LSAMP: variants seen among roughly 807,000 people sequenced by gnomAD.
LSAMP encodes the protein limbic system-associated membrane protein.
LSAMP carries 7 observed loss-of-function variants against 38.6 expected under a neutral mutation model. The observed-to-expected ratio is 0.18, with a 90% CI of 0.10 to 0.34. The LOEUF (loss-of-function observed/expected upper bound fraction) is 0.34. Ranked by LOEUF, LSAMP falls within the 10% of genes least tolerant of loss-of-function variation. LSAMP has a pLI of 1.00. For synonymous variants in LSAMP, 154 were observed against 166.8 expected, an observed-to-expected ratio of 0.92 and a Z score of 0.59; for missense variants, 313 against 420.0, an observed-to-expected ratio of 0.75 and a Z score of 2.23.
chr3:115,973,433 A>G (rs957357113), intron 3 of LSAMP, among the ~76,000 whole-genome samples: 2 of 152,202 alleles, frequency 1.3e-5, no homozygotes, highest in Admixed American at 6.5e-5. Flanking sequence ...AAGTCTAGGC[A>G]TAAAATTAAT....
intron 3 of LSAMP, among the ~76,000 whole-genome samples, chr3:115,895,191 C>T (rs1936698073): frequency 1.3e-5 from 2 of 152,076 alleles, no homozygotes; most frequent in Admixed American, 1.3e-4. Flanking sequence ...TTCTTAGTCA[C>T]AGCTCTTGTT....
intron 1 of LSAMP, among the ~76,000 whole-genome samples, chr3:116,192,133 T>C (rs1043994748): frequency 1.3e-5 from 2 of 152,256 alleles, no homozygotes; most frequent in Admixed American, 1.3e-4. Flanking sequence ...TGTGGCTTCA[T>C]GATTGTTAAA....
rs149087667 is a variant in LSAMP, at chr3:115,906,936, T to C, written c.515-54319A>G. On this transcript the variant is annotated intron_variant, in intron 3 of 6. Transcript: ENST00000490035. The stretch of plus-strand genomic sequence containing the variant: ...TTTGTTTGAATTCTTGGTCAGGTTC[T>C]ACATAGATTAAATCCAAGAGGTAAA... Among the ~76,000 whole-genome samples the C allele has an allele frequency of 2.8e-3, 426 of 152,286 alleles. 1 individual carries two copies. The highest frequency in any genetic ancestry group is 9.8e-3 in the African/African-American group (406 of 41,558).
At chr3:115,880,006 A>G (rs541397788) in intron 3 of LSAMP, among the ~76,000 whole-genome samples, 1 of 152,312 alleles carries the variant, frequency 6.6e-6, no homozygotes, top group South Asian at 2.1e-4. Context: ...ATTAAGAACC[A>G]GCAAAGAAAC....
At chr3:116,050,846 A>G (rs1254113845) in intron 2 of LSAMP, among the ~76,000 whole-genome samples, 1 of 152,180 alleles carries the variant, frequency 6.6e-6, no homozygotes, top group African/African-American at 2.4e-5. Flanking sequence ...ATTCATTTGT[A>G]TCTGTAGTAT....
At chr3:115,894,868 T>C (rs1259866003) in intron 3 of LSAMP, among the ~76,000 whole-genome samples, 1 of 152,066 alleles carries the variant, frequency 6.6e-6, no homozygotes, top group African/African-American at 2.4e-5. Flanking sequence ...CTCTCCTTTA[T>C]TTAAATTTTA....
chr3:115,956,169 G>A (rs1319999097), intron 3 of LSAMP, among the ~76,000 whole-genome samples: 3 of 151,748 alleles, frequency 2.0e-5, no homozygotes, highest in Non-Finnish European at 4.4e-5. Context: ...CCATATAGCT[G>A]TAAAGGGAAA....
At position 116,272,718 on chromosome 3, in the gene LSAMP, C is replaced by G. The variant is rs2046990774; in HGVS notation, c.155+172159G>C. On this transcript the variant is annotated intron_variant, in intron 1 of 6. Transcript: ENST00000490035. ...ATTTTCTGCATGATATTGAACCCCACAGGTTCAGGATACACAAATAATGTC... is the reference window on the plus strand; with the variant it reads ...ATTTTCTGCATGATATTGAACCCCAGAGGTTCAGGATACACAAATAATGTC... 4.6e-5 allele frequency among the ~76,000 whole-genome samples: 7 copies of G among 152,114 alleles called. No individual in the cohort carries two copies. The South Asian group carries it at 1.5e-3, about 32-fold the overall frequency.
intron 1 of LSAMP, among the ~76,000 whole-genome samples, chr3:116,177,851 TGTCCCTGACTTGTAAAAGCTCACA>T (rs1426944148): frequency 1.3e-5 from 2 of 152,156 alleles, no homozygotes; most frequent in Non-Finnish European, 2.9e-5. Context: ...GTTAAAAAAA[TGTCCCTGACTTGTAAAAGCTCACA>T]GTCTAAATGG....
At chr3:116,249,235 A>C (rs1467083172) in intron 1 of LSAMP, among the ~76,000 whole-genome samples, 2 of 152,044 alleles carry the variant, frequency 1.3e-5, no homozygotes, top group Non-Finnish European at 2.9e-5. Context: ...AATGTGTCCA[A>C]AATAATATCC....
intron 6 of LSAMP, among the ~76,000 whole-genome samples, chr3:115,830,203 T>G (rs191423834): frequency 4.6e-5 from 7 of 152,322 alleles, no homozygotes; most frequent in Non-Finnish European, 7.4e-5. Context: ...TCTGCTCAAG[T>G]TTTTAAAAAA....
At chr3:115,876,895 TTTC>T (rs1360465370) in intron 3 of LSAMP, among the ~76,000 whole-genome samples, 3 of 152,160 alleles carry the variant, frequency 2.0e-5, no homozygotes, top group Admixed American at 1.3e-4. Context: ...TAATGAATTC[TTTC>T]TTCTTATAGT....
chr3:116,030,724 C>A (rs1054470710), intron 2 of LSAMP, among the ~76,000 whole-genome samples: 1 of 151,994 alleles, frequency 6.6e-6, no homozygotes, highest in Non-Finnish European at 1.5e-5. Context: ...ATTCCAACTG[C>A]GAAATGGCAC....
chr3:116,262,905 T>C (rs1298928284), intron 1 of LSAMP, among the ~76,000 whole-genome samples: 12 of 152,156 alleles, frequency 7.9e-5, no homozygotes, highest in African/African-American at 4.8e-5. Flanking sequence ...GGTGAAGGGA[T>C]TGAGGACTTC....
chr3:115,998,202 C>G (rs1939883453), intron 3 of LSAMP, among the ~76,000 whole-genome samples: 1 of 151,642 alleles, frequency 6.6e-6, no homozygotes, highest in Non-Finnish European at 1.5e-5. Flanking sequence ...AGAGAGTGAC[C>G]AAATTATGTA....
At chr3:116,088,167 C>A (rs1055584868) in intron 1 of LSAMP, among the ~76,000 whole-genome samples, 1 of 152,086 alleles carries the variant, frequency 6.6e-6, no homozygotes, top group Non-Finnish European at 1.5e-5. Flanking sequence ...TCATGAGCCA[C>A]CATGCCTGAC....
chr3:115,887,096 G>A (rs1438155159), intron 3 of LSAMP, among the ~76,000 whole-genome samples: 2 of 151,772 alleles, frequency 1.3e-5, no homozygotes, highest in East Asian at 3.9e-4. Flanking sequence ...GAACCCCCTT[G>A]ACCTTAAAAC....
intron 3 of LSAMP, among the ~76,000 whole-genome samples, chr3:115,945,808 C>A (rs1008939170): frequency 2.0e-5 from 3 of 152,180 alleles, no homozygotes; most frequent in Non-Finnish European, 4.4e-5. Context: ...CTAGACACCT[C>A]TCAATTATTC....
intron 3 of LSAMP, among the ~76,000 whole-genome samples, chr3:115,930,002 GTTTTTTTTT>G (rs1170325465): frequency 2.1e-4 from 17 of 80,292 alleles, no homozygotes; most frequent in South Asian, 5.5e-4. Context: ...TTTAGCAGAA[GTTTTTTTTT>G]TTTTTTTTTT....
Sources: gnomAD v4.1 joint callset for allele counts (sites outside exome capture counted in the v4.1 genomes callset) on GRCh38, gnomAD v4.1.1 for gene constraint, MANE v1.5 for transcripts, NCBI Gene and HGNC (gene_info 2026-07-23, HGNC 2026-07-21) for gene names.